The following COLEC10 variants were observed in gnomAD, a reference collection of about 807,000 sequenced individuals.
COLEC10 encodes collectin-10.
A neutral mutation model predicts 28.4 loss-of-function variants in COLEC10; 22 were observed. The ratio of observed to expected loss-of-function variants is 0.78; its 90% confidence interval spans 0.55 to 1.11. The LOEUF is 1.11. Ranked by LOEUF, COLEC10 falls within the 50% of genes least tolerant of loss-of-function variation. The pLI, the probability that COLEC10 is intolerant of heterozygous loss-of-function variation, is 0.00. For missense variants in COLEC10, 361 were observed against 344.1 expected, an observed-to-expected ratio of 1.05 and a Z score of -0.39; for synonymous variants, 125 against 116.1, an observed-to-expected ratio of 1.08 and a Z score of -0.49.
chr8:119,029,952 T>C (rs12056346), intron 2 of COLEC10, among the ~76,000 whole-genome samples: 95,384 of 151,990 alleles, frequency 0.63, 30,965 homozygotes, highest in African/African-American at 0.79. Context: ...TCTAAAAGTG[T>C]CTCCTTAACT....
At chr8:118,963,242 T>C in the COLEC10 span, among the ~76,000 whole-genome samples, 1 of 152,222 alleles carries the variant, frequency 6.6e-6, no homozygotes, top group Non-Finnish European at 1.5e-5. Context: ...TTCGCATACA[T>C]TACCCATTTT....
chr8:119,107,512 T>A lies in COLEC10; in HGVS notation c.*1321T>A, dbSNP rs1815972199. Among the ~76,000 whole-genome samples the A allele has an allele frequency of 6.6e-6, 1 of 152,214 alleles. No individual in the cohort carries two copies. Among genetic ancestry groups the A allele is most frequent in the African/African-American group, 2.4e-5 (1 of 41,456 alleles). On this transcript the variant is annotated 3_prime_UTR_variant, in exon 6 of 6. Coordinates refer to ENST00000332843, the MANE Select transcript of COLEC10 (RefSeq NM_006438.5). ...CTGTTTCAAATGCTGGCAAAATGGT[T>A]AATGAAGTAAGAGAAACAGATCAAC...
chr8:119,054,721 G>A (rs1408533166), intron 2 of COLEC10, among the ~76,000 whole-genome samples: 1 of 152,010 alleles, frequency 6.6e-6, no homozygotes, highest in Non-Finnish European at 1.5e-5. Flanking sequence ...TTTTAAAAAT[G>A]TTTGCAACAA....
At chr8:119,089,494 A>C (rs1029477154) in intron 1 of COLEC10, among the ~76,000 whole-genome samples, 186 bp from the exon 2 acceptor site, 5 of 152,200 alleles carry the variant, frequency 3.3e-5, no homozygotes, top group African/African-American at 4.8e-5. Flanking sequence ...TAAAAAATAT[A>C]CTGGAAGTTT....
At chr8:118,998,892 A>G (rs904052924) in intron 1 of COLEC10, among the ~76,000 whole-genome samples, 9 of 149,430 alleles carry the variant, frequency 6.0e-5, no homozygotes, top group African/African-American at 2.2e-4. Flanking sequence ...GCTTGACTTG[A>G]TTTCATCATT....
the COLEC10 span, among the ~76,000 whole-genome samples, chr8:118,954,825 G>A: frequency 3.9e-5 from 6 of 152,174 alleles, no homozygotes; most frequent in Admixed American, 1.3e-4. Flanking sequence ...CTACAGGGAA[G>A]ACACTTTATC....
chr8:118,953,567 C>T, the COLEC10 span, among the ~76,000 whole-genome samples: 7 of 152,178 alleles, frequency 4.6e-5, no homozygotes, highest in Non-Finnish European at 7.3e-5. Context: ...GAAAGGTTTA[C>T]GTCTCCCTGA....
chr8:119,100,386 G>A (rs1815800252), intron 3 of COLEC10, among the ~76,000 whole-genome samples: 2 of 152,142 alleles, frequency 1.3e-5, no homozygotes, highest in South Asian at 4.2e-4. Flanking sequence ...AATAGTACTT[G>A]GTGATTGACT....
intron 2 of COLEC10, among the ~76,000 whole-genome samples, chr8:119,047,532 G>A (rs973924158): frequency 6.6e-6 from 1 of 152,178 alleles, no homozygotes; most frequent in African/African-American, 2.4e-5. Flanking sequence ...TATGGGTCAG[G>A]AAGTAGAAAG....
the COLEC10 span, among the ~76,000 whole-genome samples, chr8:118,990,203 C>T: frequency 1.3e-5 from 2 of 152,052 alleles, no homozygotes; most frequent in East Asian, 3.9e-4. Flanking sequence ...GGTCACTGAG[C>T]TCAAAATATT....
At chr8:118,975,554 C>T in the COLEC10 span, among the ~76,000 whole-genome samples, 199 of 152,080 alleles carry the variant, frequency 1.3e-3, no homozygotes, top group Non-Finnish European at 1.3e-3. Flanking sequence ...CTCTTTTAGG[C>T]CAATAGGGAG....
chr8:119,101,048 G>A (rs1260014825), intron 3 of COLEC10, among the ~76,000 whole-genome samples: 4 of 152,150 alleles, frequency 2.6e-5, no homozygotes, highest in Non-Finnish European at 4.4e-5. Context: ...GCCAATGGGT[G>A]TCCTCAGCGC....
the COLEC10 span, among the ~76,000 whole-genome samples, chr8:118,958,761 T>C: frequency 1.3e-5 from 2 of 152,230 alleles, no homozygotes; most frequent in African/African-American, 4.8e-5. Context: ...TCATTTGTCA[T>C]ATTTCAATAT....
At chr8:119,066,212 C>T (rs1814952416), upstream of COLEC10, among the ~76,000 whole-genome samples, 1 of 152,160 alleles carries the variant, frequency 6.6e-6, no homozygotes, top group Admixed American at 6.5e-5. Context: ...TCACCTAACT[C>T]TTAGTTGAGA....
At chr8:118,967,101 C>G in the COLEC10 span, among the ~76,000 whole-genome samples, 1 of 152,040 alleles carries the variant, frequency 6.6e-6, no homozygotes, top group Non-Finnish European at 1.5e-5. Flanking sequence ...AATGGTTTTA[C>G]CCCAGGAATC....
the COLEC10 span, among the ~76,000 whole-genome samples, chr8:118,972,728 C>A: frequency 6.6e-6 from 1 of 151,884 alleles, no homozygotes; most frequent in Non-Finnish European, 1.5e-5. Flanking sequence ...TATCCATCTA[C>A]CTTCTAGCAT....
chr8:119,085,933 T>C (rs1815472544), intron 1 of COLEC10, among the ~76,000 whole-genome samples: 1 of 152,112 alleles, frequency 6.6e-6, no homozygotes, highest in African/African-American at 2.4e-5. Context: ...CATTCAATTC[T>C]AAGGCTGATC....
At chr8:119,051,615 G>A (rs984725843) in intron 2 of COLEC10, among the ~76,000 whole-genome samples, 4 of 152,110 alleles carry the variant, frequency 2.6e-5, no homozygotes, top group East Asian at 1.9e-4. Context: ...CAATGAATAC[G>A]CAGTAGATAA....
At chr8:119,045,900 C>A (rs538568777) in intron 2 of COLEC10, among the ~76,000 whole-genome samples, 1 of 152,272 alleles carries the variant, frequency 6.6e-6, no homozygotes, top group East Asian at 1.9e-4. Context: ...TTGCTTGTTT[C>A]TAAAACTCCT....
Sources: gnomAD v4.1 joint callset for allele counts (sites outside exome capture counted in the v4.1 genomes callset) on GRCh38, gnomAD v4.1.1 for gene constraint, MANE v1.5 for transcripts, NCBI Gene and HGNC (gene_info 2026-07-23, HGNC 2026-07-21) for gene names.